Variants in MOXD1 observed in about 807,000 individuals in gnomAD.
MOXD1 encodes DBH-like monooxygenase protein 1.
Under a neutral mutation model 66.6 loss-of-function variants are expected in MOXD1, and 62 were observed. That is an observed-to-expected ratio of 0.93 (90% CI 0.76 to 1.15). The LOEUF (loss-of-function observed/expected upper bound fraction) is 1.15. Among genes scored for constraint, MOXD1 ranks in the 50% most tolerant of loss-of-function variants. MOXD1 has a pLI of 0.00. For synonymous variants in MOXD1, 303 were observed against 281.9 expected (o/e 1.07, Z -0.75); for missense variants, 847 against 754.6 (o/e 1.12, Z -1.44).
In MOXD1 at chr6:132,322,850, T is replaced by C; in HGVS notation, c.1134A>G (p.Pro378=). 4.3e-6 allele frequency: 7 copies of C among 1,613,446 alleles called. No individual in the cohort carries two copies. Among genetic ancestry groups the C allele is most frequent in the Non-Finnish European group, 5.9e-6 (7 of 1,179,724 alleles). ...GAACAGCAAACACATGAATTCCACT[T>C]GGCTTTTCGGCTTCCAGAGCCTACA... is the stretch of plus-strand genomic sequence containing the variant. The part of the protein sequence containing the change: ...CLEEALEAEK[P]SGIHVFAVLL... Residue 378 remains proline (P), a synonymous_variant, in exon 8 of 12, where the codon CCA becomes CCG. Transcript: ENST00000367963.
intron 1 of MOXD1, among the ~76,000 whole-genome samples, chr6:132,376,667 C>T (rs1776386559): frequency 1.0e-5 from 1 of 98,998 alleles, no homozygotes; most frequent in South Asian, 3.2e-4. Context: ...GCGCCCGCCA[C>T]TACGCCCGGC....
chr6:132,297,302 C>T lies in MOXD1; in HGVS notation c.1693G>A (p.Ala565Thr). Reference protein sequence around the residue: ...NAEWSIQGMTALPPDIERPYK... With the variant: ...NAEWSIQGMTTLPPDIERPYK... ...GGTCTTTCTATATCTGGAGGTAATG[C>T]TGTCATTCCTTGAATCTGAAAATGG... The change falls in exon 12 of 12, where the codon GCA (alanine) becomes ACA (threonine). Residue 565 changes from alanine (A) to threonine (T), a missense_variant. Physicochemically the swap from Ala to Thr is moderately conservative, Grantham distance 58 (BLOSUM62 0). Transcript: ENST00000367963. 6.2e-7 allele frequency: 1 copy of T among 1,612,550 alleles called. No individual in the cohort carries two copies. Among genetic ancestry groups the T allele is most frequent in the Non-Finnish European group, 8.5e-7 (1 of 1,179,182 alleles).
chr6:132,396,925 G>A (rs1044145695), intron 1 of MOXD1, among the ~76,000 whole-genome samples: 2 of 152,210 alleles, frequency 1.3e-5, no homozygotes, highest in African/African-American at 4.8e-5. Flanking sequence ...GGGCTTCACT[G>A]CTGAATTCCC....
intron 4 of MOXD1, among the ~76,000 whole-genome samples, chr6:132,341,948 T>C (rs1775571572): frequency 6.6e-6 from 1 of 152,198 alleles, no homozygotes; most frequent in South Asian, 2.1e-4. Context: ...CTGAGGCAAA[T>C]TACTTAACCT....
intron 4 of MOXD1, among the ~76,000 whole-genome samples, chr6:132,372,162 T>C (rs1210097829): frequency 6.6e-6 from 1 of 152,236 alleles, no homozygotes; most frequent in Non-Finnish European, 1.5e-5. Flanking sequence ...ATTTTCTTTT[T>C]TCTATTTTCA....
intron 4 of MOXD1, among the ~76,000 whole-genome samples, chr6:132,367,119 C>A (rs563042590): frequency 3.3e-5 from 5 of 152,082 alleles, no homozygotes; most frequent in South Asian, 2.1e-4. Flanking sequence ...AGTGTTTTAC[C>A]TCAACTTCAC....
At chr6:132,299,138 A>T (rs1408665092) in intron 10 of MOXD1, among the ~76,000 whole-genome samples, 2 of 152,200 alleles carry the variant, frequency 1.3e-5, no homozygotes, top group African/African-American at 4.8e-5. Context: ...GCATGGGTGC[A>T]TCTGGAGGCC....
chr6:132,309,888 C>T (rs1774785137), intron 10 of MOXD1, among the ~76,000 whole-genome samples: 1 of 152,172 alleles, frequency 6.6e-6, no homozygotes, highest in African/African-American at 2.4e-5. Context: ...AAACTGCAAA[C>T]CATAGAAACC....
At chr6:132,303,737 T>C (rs9493279) in intron 10 of MOXD1, among the ~76,000 whole-genome samples, 1 of 66,802 alleles carries the variant, frequency 1.5e-5, no homozygotes, top group African/African-American at 8.7e-5. Context: ...ACACACACAT[T>C]TATTTATACA....
At chr6:132,319,170 C>T (rs1165422424) in intron 9 of MOXD1, among the ~76,000 whole-genome samples, 1 of 151,824 alleles carries the variant, frequency 6.6e-6, no homozygotes, top group Admixed American at 6.6e-5. Context: ...AATCAACTTG[C>T]TCCATGTGAA....
chr6:132,341,764 A>ACACG (rs1451353571), intron 4 of MOXD1, among the ~76,000 whole-genome samples: 1 of 152,112 alleles, frequency 6.6e-6, no homozygotes, highest in African/African-American at 2.4e-5. Context: ...GCTTATTTAA[A>ACACG]TCCTATTCAT....
At chr6:132,364,047 T>C (rs7766544) in intron 4 of MOXD1, among the ~76,000 whole-genome samples, 47,772 of 151,808 alleles carry the variant, frequency 0.31, 9,659 homozygotes, top group African/African-American at 0.58. Flanking sequence ...AGAAGAAAAA[T>C]TAAAAAATAA....
At chr6:132,381,498 T>C (rs767792124) in intron 1 of MOXD1, among the ~76,000 whole-genome samples, 2 of 152,000 alleles carry the variant, frequency 1.3e-5, no homozygotes, top group Admixed American at 6.5e-5. Context: ...CATTCAACTA[T>C]TCTTGCCTAG....
rs142451572 is a variant in MOXD1 at position 132,362,101 on chromosome 6, C to A, written c.663+10507G>T. On this transcript the variant is annotated intron_variant, in intron 4 of 11. Transcript: ENST00000367963. ...GTATCATAGGGCAACAGATATCTTCCTGTTTTGATAAGTATACAATTGTTT... is the reference window on the plus strand; with the variant it reads ...GTATCATAGGGCAACAGATATCTTCATGTTTTGATAAGTATACAATTGTTT... Among the ~76,000 whole-genome samples, 364 of 152,000 alleles carry A rather than the reference C, an allele frequency of 2.4e-3. 2 individuals are homozygous for A. Among genetic ancestry groups the A allele is most frequent in the African/African-American group, 8.5e-3 (353 of 41,488 alleles).
At chr6:132,349,452 C>CAT (rs1197053952) in intron 4 of MOXD1, among the ~76,000 whole-genome samples, 9 of 74,206 alleles carry the variant, frequency 1.2e-4, no homozygotes, top group Non-Finnish European at 1.9e-4. Context: ...TATATATATA[C>CAT]ATATATATAT....
At chr6:132,310,961 T>TTTTG (rs147640316) in intron 10 of MOXD1, among the ~76,000 whole-genome samples, 10 of 152,148 alleles carry the variant, frequency 6.6e-5, no homozygotes, top group Non-Finnish European at 1.3e-4. Flanking sequence ...GTATCCCGTT[T>TTTTG]TTTGTTTGTT....
intron 1 of MOXD1, among the ~76,000 whole-genome samples, chr6:132,394,420 T>C (rs1174800511): frequency 6.6e-6 from 1 of 152,130 alleles, no homozygotes; most frequent in Non-Finnish European, 1.5e-5. Context: ...GGAAATATGG[T>C]ATCTCCAAAG....
At chr6:132,358,962 A>T (rs1176323706) in intron 4 of MOXD1, among the ~76,000 whole-genome samples, 1 of 152,188 alleles carries the variant, frequency 6.6e-6, no homozygotes, top group African/African-American at 2.4e-5. Context: ...CATATATCAC[A>T]TACATTTAAA....
chr6:132,318,085 A>G (rs969058564), intron 9 of MOXD1, among the ~76,000 whole-genome samples: 1 of 151,958 alleles, frequency 6.6e-6, no homozygotes, highest in Non-Finnish European at 1.5e-5. Context: ...TACCACATTT[A>G]TTTGTTCTCC....
Sources: allele counts gnomAD v4.1 joint callset (sites outside exome capture counted in the v4.1 genomes callset), GRCh38; gene constraint gnomAD v4.1.1; transcripts MANE v1.5; gene names NCBI Gene and HGNC (gene_info 2026-07-23, HGNC 2026-07-21).